The following ATE1 variants were observed in gnomAD, a reference collection of about 807,000 sequenced individuals.
ATE1 encodes the protein arginyltransferase 1, also known as arginyl-tRNA--protein transferase 1.
In ATE1, 36 loss-of-function variants were observed where a neutral mutation model predicts 70.5. That is an observed-to-expected ratio of 0.51 (90% CI 0.39 to 0.67). ATE1 has a LOEUF of 0.67. ATE1 is among the 30% of genes least tolerant of loss of function. The pLI is 0.00. For missense variants in ATE1, 593 were observed against 629.5 expected (o/e 0.94, Z 0.62); for synonymous variants, 232 against 219.3 (o/e 1.06, Z -0.51).
At position 121,740,484 on chromosome 10, in the gene ATE1, G is replaced by A. The variant is rs951475250; in HGVS notation, c.*3196C>T. The A allele has an allele frequency of 6.6e-6, 1 of 151,634 alleles. No homozygotes were observed. The highest frequency in any genetic ancestry group is 2.4e-5 in the African/African-American group (1 of 41,204). The allele number at this position is 151,634 out of a possible 1,614,324, so 9.4% of individuals were successfully genotyped here. A position where few individuals can be genotyped will look rare whatever the true frequency, so the allele number is the denominator to read the frequency against. The stretch of plus-strand genomic sequence containing the variant: ...CTTTATCAAATAGCTTGTTCAAAAA[G>A]CATATACAAGAGCAAAAAATACCAC... On this transcript the variant is annotated 3_prime_UTR_variant, in exon 12 of 12. Coordinates refer to ENST00000224652, the MANE Select transcript of ATE1 (RefSeq NM_001001976.3).
Position 121,902,531 on chromosome 10 carries a change from G to A in ATE1, c.673C>T (p.Pro225Ser). ...TGGAAACCCTCAAGTTCTCCAGCTG[G>A]GTTCTGCTGCATTAGTTTTAACCTT... Reference protein sequence around the residue: ...RKRLKLMQQNPAGELEGFQAQ... With the variant: ...RKRLKLMQQNSAGELEGFQAQ... Residue 225 changes from proline to serine, a missense_variant, in exon 6 of 12, where the codon CCA (proline) becomes TCA (serine). Around this residue, in one of 3 missense-constraint regions of ATE1, gnomAD observed 467 missense variants for 469.6 expected, o/e 0.99. Transcript: ENST00000224652. The A allele has an allele frequency of 6.2e-7, 1 of 1,614,150 alleles. No individual in the cohort carries two copies. The highest frequency in any genetic ancestry group is 8.5e-7 in the Non-Finnish European group (1 of 1,180,034).
intron 11 of ATE1, among the ~76,000 whole-genome samples, chr10:121,752,553 CTCTTACATTTAGGT>C (rs375762714): frequency 6.6e-6 from 1 of 152,226 alleles, no homozygotes; most frequent in African/African-American, 2.4e-5. Context: ...ATAGTTTTAG[CTCTTACATTTAGGT>C]CCAACCCATT....
At position 121,759,442 on chromosome 10, in the gene ATE1, G is replaced by A. The variant is rs80341338; in HGVS notation, c.1379-15584C>T. On this transcript the variant is annotated intron_variant, in intron 11 of 11. Coordinates refer to ENST00000224652, the MANE Select transcript of ATE1 (RefSeq NM_001001976.3). ...CTCCATAAAAGTACAAGGTGAAGCC[G>A]GCCGGGCATGGTGGCTGACGCCTGT... Among the ~76,000 whole-genome samples the A allele has an allele frequency of 1.5e-3, 234 of 152,284 alleles. 1 individual carries two copies. The highest frequency in any genetic ancestry group is 4.8e-3 in the African/African-American group (201 of 41,540).
chr10:121,867,475 C>T (rs1949702911), intron 8 of ATE1, among the ~76,000 whole-genome samples: 2 of 152,132 alleles, frequency 1.3e-5, no homozygotes, highest in Non-Finnish European at 2.9e-5. Flanking sequence ...ACATTATCAA[C>T]ATTATCTCAT....
intron 11 of ATE1, among the ~76,000 whole-genome samples, chr10:121,757,150 G>C (rs1944840156): frequency 6.6e-6 from 1 of 152,084 alleles, no homozygotes; most frequent in Non-Finnish European, 1.5e-5. Flanking sequence ...AAATCTCTAG[G>C]GCAGGGAGAA....
chr10:121,804,408 G>A (rs1947012429), intron 10 of ATE1, among the ~76,000 whole-genome samples: 1 of 152,108 alleles, frequency 6.6e-6, no homozygotes, highest in South Asian at 2.1e-4. Context: ...TAACAATTTA[G>A]AGATACCGAA....
intron 10 of ATE1, among the ~76,000 whole-genome samples, chr10:121,825,187 A>G (rs1378762618): frequency 6.6e-6 from 1 of 152,002 alleles, no homozygotes; most frequent in Non-Finnish European, 1.5e-5. Flanking sequence ...AATTCCCAAG[A>G]TGGAATTATG....
intron 11 of ATE1, among the ~76,000 whole-genome samples, chr10:121,754,867 T>C (rs2936879): frequency 0.96 from 146,894 of 152,310 alleles, 71,028 homozygotes; most frequent in East Asian, 1. Flanking sequence ...TAACACTGTA[T>C]ACCTCCTGAT....
intron 10 of ATE1, among the ~76,000 whole-genome samples, chr10:121,799,148 C>T (rs10788211): frequency 0.94 from 143,676 of 152,196 alleles, 68,051 homozygotes; most frequent in Non-Finnish European, 0.98. Flanking sequence ...GAGGAAAAGA[C>T]GAAAAAAGCC....
intron 7 of ATE1, among the ~76,000 whole-genome samples, chr10:121,871,651 AC>A: frequency 6.6e-6 from 1 of 152,262 alleles, no homozygotes; most frequent in East Asian, 1.9e-4. Flanking sequence ...ACTAACACAT[AC>A]CAAAGCCATT....
chr10:121,836,889 G>T, intron 9 of ATE1, 72 bp from the exon 10 acceptor site: 1 of 936,782 alleles, frequency 1.1e-6, no homozygotes, highest in Non-Finnish European at 1.7e-6. Context: ...TGTGTAATTT[G>T]ATGGTAAACA....
Position 121,927,886 on chromosome 10 carries a change from G to T in ATE1, c.64C>A (p.Arg22Ser). The T allele has an allele frequency of 6.3e-7, 1 of 1,592,108 alleles. No homozygotes were observed. Among genetic ancestry groups the T allele is most frequent in the East Asian group, 2.3e-5 (1 of 43,304 alleles). ...VDYFPSEDFY[R>S]CGYCKNESGS... ...GACTCGTTCTTGCAGTAGCCGCAGC[G>T]GTAGAAGTCCTCGCTAGGGAAATAG... is the stretch of plus-strand genomic sequence containing the variant. Residue 22 changes from arginine to serine, a missense_variant, in exon 1 of 12, where the codon CGC (arginine) becomes AGC (serine). This residue lies in a region of ATE1 where 467 missense variants were observed against 469.6 expected (regional missense o/e 0.99). Transcript: ENST00000224652.
intron 9 of ATE1, 109 bp downstream of exon 9, chr10:121,840,973 A>C: frequency 4.9e-6 from 5 of 1,028,306 alleles, no homozygotes; most frequent in Non-Finnish European, 6.5e-6. Flanking sequence ...AATCATTATA[A>C]TACACTGTCA....
intron 2 of ATE1, among the ~76,000 whole-genome samples, chr10:121,922,941 T>C (rs1340057863): frequency 2.0e-5 from 3 of 152,176 alleles, no homozygotes; most frequent in Non-Finnish European, 4.4e-5. Context: ...TATATCCTAT[T>C]AGCAAGCTTT....
chr10:121,879,517 T>C (rs1950164598), intron 7 of ATE1, among the ~76,000 whole-genome samples: 1 of 152,236 alleles, frequency 6.6e-6, no homozygotes, highest in Non-Finnish European at 1.5e-5. Context: ...TCCAAAATAA[T>C]GCCTGGCACA....
chr10:121,752,583 T>G (rs1944632850), intron 11 of ATE1, among the ~76,000 whole-genome samples: 1 of 152,190 alleles, frequency 6.6e-6, no homozygotes, highest in Non-Finnish European at 1.5e-5. Context: ...CCATTTTAAT[T>G]TTTGTATATG....
intron 5 of ATE1, among the ~76,000 whole-genome samples, chr10:121,910,669 CTT>C (rs1951385214): frequency 6.6e-6 from 1 of 152,152 alleles, no homozygotes; most frequent in African/African-American, 2.4e-5. Flanking sequence ...AAATGGAACT[CTT>C]TGAAAATATC....
upstream of ATE1, chr10:121,928,080 G>C (rs1346490695): frequency 8.3e-7 from 1 of 1,206,504 alleles, no homozygotes; most frequent in Non-Finnish European, 1.0e-6. Context: ...GCGCCCGCAG[G>C]CCCGGCCGGC....
At chr10:121,848,719 T>C (rs1948939493) in intron 8 of ATE1, among the ~76,000 whole-genome samples, 1 of 135,458 alleles carries the variant, frequency 7.4e-6, no homozygotes, top group African/African-American at 2.5e-5. Context: ...GAGACCAGCC[T>C]GGCCAACTTG....
Sources: gnomAD v4.1 joint callset for allele counts (sites outside exome capture counted in the v4.1 genomes callset) on GRCh38, gnomAD v4.1.1 for gene constraint, gnomAD v4.1.1 regional missense constraint, MANE v1.5 for transcripts, NCBI Gene and HGNC (gene_info 2026-07-23, HGNC 2026-07-21) for gene names.